Variants in RIPK1 observed in about 807,000 individuals in gnomAD.
The protein encoded by RIPK1 is receptor-interacting serine/threonine-protein kinase 1.
A neutral mutation model predicts 62.4 loss-of-function variants in RIPK1; 27 were observed. The observed-to-expected ratio is 0.43, with a 90% CI of 0.32 to 0.60. The LOEUF is 0.60. Ranked by LOEUF, RIPK1 falls within the 20% of genes least tolerant of loss-of-function variation. The pLI is 0.07. For missense variants in RIPK1, 735 were observed against 831.0 expected, an observed-to-expected ratio of 0.88 and a Z score of 1.42; for synonymous variants, 287 against 303.2, an observed-to-expected ratio of 0.95 and a Z score of 0.55.
intron 10 of RIPK1, among the ~76,000 whole-genome samples, chr6:3,112,258 A>G (rs1761201289): frequency 6.6e-6 from 1 of 152,184 alleles, no homozygotes; most frequent in African/African-American, 2.4e-5. Context: ...CTGCTGGACA[A>G]TTCCTTGATT....
At chr6:3,110,480 T>C (rs1761100676) in intron 9 of RIPK1, among the ~76,000 whole-genome samples, 1 of 152,156 alleles carries the variant, frequency 6.6e-6, no homozygotes, top group African/African-American at 2.4e-5. Context: ...AGTGCTGGGA[T>C]TACAGGTGTG....
Position 3,113,152 on chromosome 6 carries a change from C to T in RIPK1, c.1829C>T (p.Ser610Phe), listed in dbSNP as rs1489160294. ...NCARKLGFTQ[S>F]QIDEIDHDYE... ...GCCCGTAAACTGGGCTTCACACAGTCTCAGATTGATGAAATTGACCATGAC... is the reference window on the plus strand; with the variant it reads ...GCCCGTAAACTGGGCTTCACACAGTTTCAGATTGATGAAATTGACCATGAC... The change falls in exon 11 of 11, where the codon TCT becomes TTT. Residue 610 changes from serine (S) to phenylalanine (F), a missense_variant. Coordinates refer to ENST00000259808, the MANE Select transcript of RIPK1 (RefSeq NM_001354930.2). This position sits in a 1 kb window ranked among gnomAD's most constrained non-coding sequence, Gnocchi z 5.0. 2 of 1,613,862 alleles carry T rather than the reference C, an allele frequency of 1.2e-6. No homozygotes were observed. The highest frequency in any genetic ancestry group is 1.7e-6 in the Non-Finnish European group (2 of 1,179,932).
chr6:3,085,299 T>C lies in RIPK1; in HGVS notation c.729T>C (p.Ser243=), dbSNP rs1170316061. 1.9e-6 allele frequency: 3 copies of C among 1,614,234 alleles called. No homozygotes were observed. The highest frequency in any genetic ancestry group is 4.5e-5 in the East Asian group (2 of 44,886). The part of the protein sequence containing the change: ...CEQQLIMCIK[S]GNRPDVDDIT... Reference sequence around the variant, plus strand: ...AGCAGTTGATAATGTGCATAAAATCTGGGAACAGGCCAGATGTGGATGACA... The same window carrying C: ...AGCAGTTGATAATGTGCATAAAATCCGGGAACAGGCCAGATGTGGATGACA... Residue 243 remains serine, a synonymous_variant, in exon 6 of 11, where the codon TCT becomes TCC. Coordinates refer to ENST00000259808, the MANE Select transcript of RIPK1 (RefSeq NM_001354930.2).
chr6:3,098,123 C>G (rs1024295775), intron 7 of RIPK1, among the ~76,000 whole-genome samples: 1 of 151,650 alleles, frequency 6.6e-6, no homozygotes, highest in Non-Finnish European at 1.5e-5. Context: ...TGCTTGGGCC[C>G]AGGAGGCTGC....
intron 9 of RIPK1, among the ~76,000 whole-genome samples, chr6:3,109,718 C>T (rs1761055306): frequency 6.6e-6 from 1 of 152,192 alleles, no homozygotes; most frequent in Non-Finnish European, 1.5e-5. Flanking sequence ...ATGCAACCAT[C>T]ACCACCATCT....
In RIPK1 at chr6:3,079,235, A is replaced by G. The variant is rs187080380; in HGVS notation, c.321+1300A>G. ...GCTGGGATTACAGGCGCCTACCACC[A>G]TGCCTGGCTATTTTTTTAATTTTTA... On this transcript the variant is annotated intron_variant, in intron 3 of 10. Transcript: ENST00000259808. Among the ~76,000 whole-genome samples, 242 of 152,154 alleles carry G rather than the reference A, an allele frequency of 1.6e-3. 1 individual carries two copies. Among genetic ancestry groups the G allele is most frequent in the African/African-American group, 5.6e-3 (232 of 41,504 alleles).
intron 6 of RIPK1, among the ~76,000 whole-genome samples, chr6:3,086,583 T>C (rs1214281289): frequency 6.6e-6 from 1 of 152,214 alleles, no homozygotes; most frequent in Admixed American, 6.5e-5. Context: ...GTCTCCCCTT[T>C]TACTGCAGTG....
chr6:3,080,331 C>G (rs1326580014), intron 3 of RIPK1, among the ~76,000 whole-genome samples: 1 of 152,164 alleles, frequency 6.6e-6, no homozygotes, highest in Non-Finnish European at 1.5e-5. Context: ...AGTATTGATG[C>G]TCACATAACA....
At chr6:3,096,664 A>G (rs1441837684) in intron 7 of RIPK1, among the ~76,000 whole-genome samples, 1 of 148,148 alleles carries the variant, frequency 6.8e-6, no homozygotes, top group East Asian at 2.0e-4. Context: ...GGTTCATACA[A>G]TTCTCCTGCC....
upstream of RIPK1, among the ~76,000 whole-genome samples, chr6:3,065,264 C>CAAAAAAAA (rs57722248): frequency 4.4e-4 from 18 of 40,620 alleles, no homozygotes; most frequent in African/African-American, 1.8e-3. Context: ...GACTCCGTCT[C>CAAAAAAAA]AAAAAAAAAA....
At chr6:3,090,823 C>A (rs9765946) in intron 7 of RIPK1, among the ~76,000 whole-genome samples, 5,981 of 61,126 alleles carry the variant, frequency 0.098, 685 homozygotes, top group African/African-American at 0.37. Context: ...GTAACCGCAG[C>A]GCACCTACCT....
chr6:3,113,315 C>T lies in RIPK1; in HGVS notation c.1992C>T (p.Ser664=), dbSNP rs1761260347. The stretch of plus-strand genomic sequence containing the variant: ...GTTCCAGGATCGACCTTCTGAGCAG[C>T]TTGATTTACGTCAGCCAGAACTAAC... ...HQCSRIDLLS[S]LIYVSQN is the part of the protein sequence containing the mutation. Residue 664 remains serine, a synonymous_variant, in exon 11 of 11, where the codon AGC becomes AGT. Coordinates refer to ENST00000259808, the MANE Select transcript of RIPK1 (RefSeq NM_001354930.2). The surrounding 1 kb of genome is among the most constrained non-coding windows in gnomAD (Gnocchi z 5.0). The T allele has an allele frequency of 1.2e-6, 2 of 1,613,862 alleles. No individual in the cohort carries two copies. The highest frequency in any genetic ancestry group is 2.7e-5 in the African/African-American group (2 of 74,940).
In RIPK1 at chr6:3,081,949, A is replaced by G. The variant is rs547160623; in HGVS notation, c.459+833A>G. ...CCTCTACTTTGAAATTTTGTTTTAT[A>G]TTTGTATTCGATTGTTTACTTCTGT... On this transcript the variant is annotated intron_variant, in intron 4 of 10. Coordinates refer to ENST00000259808, the MANE Select transcript of RIPK1 (RefSeq NM_001354930.2). Among the ~76,000 whole-genome samples, 28 of 140,828 alleles carry G rather than the reference A, an allele frequency of 2.0e-4. 1 individual carries two copies. The highest frequency in any genetic ancestry group is 1.7e-3 in the Admixed American group (23 of 13,472). The allele number at this position is 140,828 out of a possible 152,430, so 92.4% of individuals were successfully genotyped here. A position where few individuals can be genotyped will look rare whatever the true frequency, so the allele number is the denominator to read the frequency against.
rs865955871 is a variant in RIPK1, at chr6:3,113,496, A to C, written c.*157A>C. 1 of 659,142 alleles carries C rather than the reference A, an allele frequency of 1.5e-6. No individual in the cohort carries two copies. Among genetic ancestry groups the C allele is most frequent in the Middle Eastern group, 4.4e-4 (1 of 2,298 alleles). The allele number at this position is 659,142 out of a possible 1,614,324, so 40.8% of individuals were successfully genotyped here. A position where few individuals can be genotyped will look rare whatever the true frequency, so the allele number is the denominator to read the frequency against. ...TGTACTTCATAGCTGGAGAATGGGG[A>C]AAGAAATCTGCAGCAAAGGGGTCTC... On this transcript the variant is annotated 3_prime_UTR_variant, in exon 11 of 11. Coordinates refer to ENST00000259808, the MANE Select transcript of RIPK1 (RefSeq NM_001354930.2). The surrounding 1 kb of genome is among the most constrained non-coding windows in gnomAD (Gnocchi z 5.0).
At chr6:3,100,209 G>A (rs17513194) in intron 7 of RIPK1, among the ~76,000 whole-genome samples, 2,159 of 152,170 alleles carry the variant, frequency 0.014, 17 homozygotes, top group South Asian at 0.022. Context: ...ATCACTTGAG[G>A]TGAGGAGTTG....
At position 3,114,021 on chromosome 6, in the gene RIPK1, A is replaced by C. The variant is rs2113729931; in HGVS notation, c.*682A>C. Reference sequence around the variant, plus strand: ...CAGTCTTCAGCCCATTAAATTATCGATTATTTTTTAATGAATTGAATTTAT... The same window carrying C: ...CAGTCTTCAGCCCATTAAATTATCGCTTATTTTTTAATGAATTGAATTTAT... On this transcript the variant is annotated 3_prime_UTR_variant, in exon 11 of 11. Transcript: ENST00000259808. The surrounding 1 kb of genome is among the most constrained non-coding windows in gnomAD (Gnocchi z 5.0). The C allele has an allele frequency of 6.6e-6, 1 of 152,288 alleles. No individual in the cohort carries two copies. Among genetic ancestry groups the C allele is most frequent in the East Asian group, 1.9e-4 (1 of 5,186 alleles). 9.4% of individuals were successfully genotyped at this position (152,288 alleles called of 1,614,324 possible).
At chr6:3,081,720 C>T (rs149918467) in intron 4 of RIPK1, among the ~76,000 whole-genome samples, 2,042 of 151,826 alleles carry the variant, frequency 0.013, 13 homozygotes, top group Middle Eastern at 0.027. Flanking sequence ...ATCAGCCGGG[C>T]GTGGTGGTGC....
At chr6:3,064,567 C>G (rs1382901654), upstream of RIPK1, among the ~76,000 whole-genome samples, 1 of 152,136 alleles carries the variant, frequency 6.6e-6, no homozygotes, top group Non-Finnish European at 1.5e-5. Context: ...CCAGGCTCAG[C>G]GCTCGCCTGC....
intron 1 of RIPK1, among the ~76,000 whole-genome samples, chr6:3,074,988 G>T (rs1561746577): frequency 6.6e-6 from 1 of 152,180 alleles, no homozygotes; most frequent in Non-Finnish European, 1.5e-5. Context: ...CCGGGATGTG[G>T]GTATTTCTGG....
Sources: allele counts gnomAD v4.1 joint callset (sites outside exome capture counted in the v4.1 genomes callset), GRCh38; gene constraint gnomAD v4.1.1; non-coding constraint Gnocchi (gnomAD v3.1); transcripts MANE v1.5; gene names NCBI Gene and HGNC (gene_info 2026-07-23, HGNC 2026-07-21).